The following EIF4E variants were observed in gnomAD, a reference collection of about 807,000 sequenced individuals.
EIF4E encodes eukaryotic translation initiation factor 4E, also known as eIF-4F 25 kDa subunit.
For synonymous variants in EIF4E, 71 were observed against 88.5 expected, an observed-to-expected ratio of 0.80 and a Z score of 1.11; for missense variants, 113 against 265.6, an observed-to-expected ratio of 0.43 and a Z score of 3.99.
chr4:98,881,204 C>G, intron 6 of EIF4E, 62 bp from the exon 7 acceptor site: 1 of 1,565,034 alleles, frequency 6.4e-7, no homozygotes, highest in Non-Finnish European at 8.7e-7. Context: ...ACAAGAAATA[C>G]ATTTAAAAAT....
chr4:98,879,945 A>T lies in EIF4E; in HGVS notation c.*1083T>A, dbSNP rs1216848754. 9 of 152,342 alleles carry T rather than the reference A, an allele frequency of 5.9e-5. No individual in the cohort carries two copies. Among genetic ancestry groups the T allele is most frequent in the Non-Finnish European group, 1.2e-4 (8 of 68,000 alleles). The allele number at this position is 152,342 out of a possible 1,614,324, so 9.4% of individuals were successfully genotyped here. ...ATAATCAAACTAGTGCTCCAAACTT[A>T]TGCTGTTCACATGGAAGACACCACA... is the stretch of plus-strand genomic sequence containing the variant. On this transcript the variant is annotated 3_prime_UTR_variant, in exon 7 of 7. Coordinates refer to ENST00000450253, the MANE Select transcript of EIF4E (RefSeq NM_001968.5).
At position 98,887,286 on chromosome 4, in the gene EIF4E, T is replaced by G. The variant is rs1230072906; in HGVS notation, c.286-94A>C. 4 of 1,296,318 alleles carry G rather than the reference T, an allele frequency of 3.1e-6. No individual in the cohort carries two copies. Among genetic ancestry groups the G allele is most frequent in the Non-Finnish European group, 3.4e-6 (3 of 894,218 alleles). 80.3% of individuals were successfully genotyped at this position (1,296,318 alleles called of 1,614,324 possible). On this transcript the variant is annotated intron_variant, in intron 4 of 6. Coordinates refer to ENST00000450253, the MANE Select transcript of EIF4E (RefSeq NM_001968.5). The surrounding 1 kb of genome is among the most constrained non-coding windows in gnomAD (Gnocchi z 4.0). ...ACAGTTAAGCAACAACACTGTCAAC[T>G]TCTTACTTTATTGCCCATAAAACTG...
intron 2 of EIF4E, among the ~76,000 whole-genome samples, chr4:98,894,549 C>T (rs1371762318): frequency 1.3e-5 from 2 of 152,220 alleles, no homozygotes; most frequent in Admixed American, 1.3e-4. Context: ...CAGCTTTCAA[C>T]TTTTATTCTG....
At chr4:98,884,789 A>G (rs946186295) in intron 6 of EIF4E, 133 bp downstream of exon 6, 8 of 1,241,036 alleles carry the variant, frequency 6.4e-6, no homozygotes, top group Middle Eastern at 5.5e-4. Flanking sequence ...TCAAAATTAT[A>G]AAAGTGTTCA....
At chr4:98,899,512 C>T (rs532609957) in intron 2 of EIF4E, among the ~76,000 whole-genome samples, 12 of 152,184 alleles carry the variant, frequency 7.9e-5, no homozygotes, top group African/African-American at 2.4e-4. Flanking sequence ...GCAGTATCTG[C>T]GCAAAGGTTG....
In EIF4E at chr4:98,880,181, G is replaced by C. The variant is rs1029324838; in HGVS notation, c.*847C>G. 2 of 151,092 alleles carry C rather than the reference G, an allele frequency of 1.3e-5. No homozygotes were observed. The highest frequency in any genetic ancestry group is 4.9e-5 in the African/African-American group (2 of 40,904). The allele number at this position is 151,092 out of a possible 1,614,324, so 9.4% of individuals were successfully genotyped here. A position where few individuals can be genotyped will look rare whatever the true frequency, so the allele number is the denominator to read the frequency against. On this transcript the variant is annotated 3_prime_UTR_variant, in exon 7 of 7. Coordinates refer to ENST00000450253, the MANE Select transcript of EIF4E (RefSeq NM_001968.5). ...AGCAAAATAACCTAAGTAATACAAA[G>C]TGTTAAAATACAGCATAAAGATACA... is the stretch of plus-strand genomic sequence containing the variant.
chr4:98,917,133 C>CACAAA (rs1386548303), intron 1 of EIF4E, among the ~76,000 whole-genome samples: 2 of 55,242 alleles, frequency 3.6e-5, no homozygotes, highest in Admixed American at 1.5e-4. Context: ...CACACACACA[C>CACAAA]AAAAAAAACC....
intron 1 of EIF4E, 93 bp downstream of exon 1, chr4:98,929,002 G>A: frequency 6.4e-7 from 1 of 1,567,996 alleles, no homozygotes; most frequent in Non-Finnish European, 8.6e-7. Context: ...GGGGTACAGT[G>A]CGCGCCGGGA....
At position 98,923,719 on chromosome 4, in the gene EIF4E, TG is replaced by T. The variant is rs140680418; in HGVS notation, c.18+5375del. On this transcript the variant is annotated intron_variant, in intron 1 of 6. Coordinates refer to ENST00000450253, the MANE Select transcript of EIF4E (RefSeq NM_001968.5). ...TCTTAGGATTGTGAATCACAGGCTTTGCATTTCTTGCTAATGGCTAAGGATT... is the reference window on the plus strand; with the variant it reads ...TCTTAGGATTGTGAATCACAGGCTTTCATTTCTTGCTAATGGCTAAGGATT... 8.8e-3 allele frequency among the ~76,000 whole-genome samples: 1,345 copies of T among 152,322 alleles called. 22 individuals are homozygous for T. The highest frequency in any genetic ancestry group is 0.031 in the African/African-American group (1,283 of 41,570).
At chr4:98,927,316 T>G (rs1168225269) in intron 1 of EIF4E, among the ~76,000 whole-genome samples, 1 of 152,152 alleles carries the variant, frequency 6.6e-6, no homozygotes, top group Non-Finnish European at 1.5e-5. Context: ...CAATGAAAAA[T>G]AAGCCTTTGT....
In EIF4E at chr4:98,904,998, T is replaced by TA. The variant is rs371796018; in HGVS notation, c.19-3017dup. Among the ~76,000 whole-genome samples, 898 of 152,164 alleles carry TA rather than the reference T, an allele frequency of 5.9e-3. 7 individuals carry two copies. The highest frequency in any genetic ancestry group is 0.02 in the African/African-American group (844 of 41,544). ...CTTTTCGTATGATCTATATGGGAACTAAAAAATATTTCAAGAAACAAGTTC... is the reference window on the plus strand; with the variant it reads ...CTTTTCGTATGATCTATATGGGAACTAAAAAAATATTTCAAGAAACAAGTTC... On this transcript the variant is annotated intron_variant, in intron 1 of 6. Coordinates refer to ENST00000450253, the MANE Select transcript of EIF4E (RefSeq NM_001968.5).
In EIF4E at chr4:98,886,454, C is replaced by T. The variant is rs565427752; in HGVS notation, c.399+625G>A. The T allele has an allele frequency of 3.6e-5, 16 of 445,324 alleles. No individual in the cohort carries two copies. In the Admixed American group the frequency reaches 3.6e-4, roughly 10 times the overall value. The allele number at this position is 445,324 out of a possible 1,614,324, so 27.6% of individuals were successfully genotyped here. A position where few individuals can be genotyped will look rare whatever the true frequency, so the allele number is the denominator to read the frequency against. On this transcript the variant is annotated intron_variant, in intron 5 of 6. Transcript: ENST00000450253. The stretch of plus-strand genomic sequence containing the variant: ...GTGGGACAGGCACAGTGACTCACAC[C>T]TGTAATTCCAGCACTTTGGGAGGCT...
chr4:98,912,551 A>G (rs966424739), intron 1 of EIF4E, among the ~76,000 whole-genome samples: 1 of 151,878 alleles, frequency 6.6e-6, no homozygotes, highest in Non-Finnish European at 1.5e-5. Flanking sequence ...ACTCCAGCAT[A>G]GCGAAAGCAA....
intron 3 of EIF4E, 105 bp downstream of exon 3, chr4:98,891,128 ACATT>A: frequency 8.6e-7 from 1 of 1,165,166 alleles, no homozygotes; most frequent in Non-Finnish European, 1.2e-6. Flanking sequence ...AAATAGATGA[ACATT>A]CATTAACTGT....
intron 1 of EIF4E, chr4:98,928,816 C>A (rs952850154): frequency 2.6e-6 from 4 of 1,512,624 alleles, no homozygotes; most frequent in East Asian, 4.9e-5. Flanking sequence ...ACCCTCCACC[C>A]TGTAGACACC....
intron 1 of EIF4E, among the ~76,000 whole-genome samples, chr4:98,907,683 C>A (rs546147828): frequency 6.6e-6 from 1 of 152,256 alleles, no homozygotes; most frequent in South Asian, 2.1e-4. Flanking sequence ...CACCTCTAAC[C>A]CCAACTTGAT....
chr4:98,900,911 C>T (rs1724615540), intron 2 of EIF4E, among the ~76,000 whole-genome samples: 4 of 152,174 alleles, frequency 2.6e-5, no homozygotes, highest in African/African-American at 9.7e-5. Context: ...CCCTGGCTCT[C>T]GTTTCTCATT....
chr4:98,892,237 T>C (rs1724172046), intron 2 of EIF4E, among the ~76,000 whole-genome samples: 1 of 149,544 alleles, frequency 6.7e-6, no homozygotes, highest in South Asian at 2.1e-4. Flanking sequence ...TCCCAGCTAC[T>C]TGGGAGGCTG....
intron 2 of EIF4E, chr4:98,891,550 A>G: frequency 1.8e-6 from 1 of 561,094 alleles, no homozygotes; most frequent in African/African-American, 1.9e-5. Flanking sequence ...TAAGTGAATA[A>G]GCCAGCCCCC....
Sources: allele counts gnomAD v4.1 joint callset (sites outside exome capture counted in the v4.1 genomes callset), GRCh38; gene constraint gnomAD v4.1.1; non-coding constraint Gnocchi (gnomAD v3.1); transcripts MANE v1.5; gene names NCBI Gene and HGNC (gene_info 2026-07-23, HGNC 2026-07-21).